Variants in LDB2 observed in about 807,000 individuals in gnomAD.
The protein encoded by LDB2 is LIM domain-binding protein 2.
A neutral mutation model predicts 44.3 loss-of-function variants in LDB2; 12 were observed. The observed-to-expected ratio is 0.27, with a 90% CI of 0.17 to 0.44. The LOEUF is 0.44. LDB2 is among the 20% of genes least tolerant of loss of function. LDB2 has a pLI of 1.00. For synonymous variants in LDB2, 164 were observed against 174.8 expected, an observed-to-expected ratio of 0.94 and a Z score of 0.49; for missense variants, 344 against 473.5, an observed-to-expected ratio of 0.73 and a Z score of 2.54.
chr4:16,765,240 G>C (rs1768942259), intron 1 of LDB2, among the ~76,000 whole-genome samples: 1 of 152,162 alleles, frequency 6.6e-6, no homozygotes, highest in Admixed American at 6.5e-5. Flanking sequence ...CACCAGAAAG[G>C]AGCCAGCATA....
intron 7 of LDB2, chr4:16,506,067 G>A (rs111734872): frequency 3.5e-6 from 5 of 1,433,888 alleles, no homozygotes; most frequent in Non-Finnish European, 4.7e-6. Context: ...CAGCTACACA[G>A]ACCACAGCTG....
chr4:16,563,234 G>T, intron 5 of LDB2, among the ~76,000 whole-genome samples: 1 of 150,096 alleles, frequency 6.7e-6, no homozygotes, highest in Non-Finnish European at 1.5e-5. Flanking sequence ...ATAATAAAAA[G>T]ACATTATTTA....
chr4:16,517,916 T>C (rs1400322637), intron 5 of LDB2, among the ~76,000 whole-genome samples: 1 of 150,690 alleles, frequency 6.6e-6, no homozygotes, highest in African/African-American at 2.5e-5. Flanking sequence ...GATGGATGGA[T>C]GGATGGATGG....
chr4:16,660,104 A>G (rs1741136769), intron 2 of LDB2, among the ~76,000 whole-genome samples: 1 of 152,192 alleles, frequency 6.6e-6, no homozygotes. Context: ...ATACCACAAC[A>G]CACAGAGAAA....
chr4:16,845,913 G>C (rs1472225939), intron 1 of LDB2, among the ~76,000 whole-genome samples: 1 of 152,028 alleles, frequency 6.6e-6, no homozygotes, highest in Admixed American at 6.6e-5. Flanking sequence ...TTCAAGACCA[G>C]CCTGGCCAAC....
chr4:16,819,274 T>G (rs1236664419), intron 1 of LDB2, among the ~76,000 whole-genome samples: 1 of 152,098 alleles, frequency 6.6e-6, no homozygotes, highest in Non-Finnish European at 1.5e-5. Context: ...CATAATTTTG[T>G]ATAAAACAGA....
chr4:16,513,233 TC>T (rs948969174), intron 5 of LDB2, among the ~76,000 whole-genome samples: 7 of 152,136 alleles, frequency 4.6e-5, no homozygotes, highest in Non-Finnish European at 8.8e-5. Context: ...TACCTGGAAT[TC>T]TTCTCTCCCC....
intron 1 of LDB2, among the ~76,000 whole-genome samples, chr4:16,826,803 A>G (rs998385590): frequency 2.6e-5 from 4 of 152,154 alleles, no homozygotes; most frequent in Non-Finnish European, 4.4e-5. Flanking sequence ...GGGAAAGGGC[A>G]GAACAAAAAA....
chr4:16,861,300 T>C (rs139663647), intron 1 of LDB2, among the ~76,000 whole-genome samples: 15 of 152,240 alleles, frequency 9.9e-5, no homozygotes, highest in Admixed American at 5.2e-4. Context: ...CTTGGCAACA[T>C]TGACCTTGGT....
At chr4:16,698,271 G>A (rs899785305) in intron 2 of LDB2, among the ~76,000 whole-genome samples, 2 of 152,132 alleles carry the variant, frequency 1.3e-5, no homozygotes, top group Non-Finnish European at 1.5e-5. Flanking sequence ...TACTGCATTA[G>A]TAAAGAATAT....
intron 2 of LDB2, among the ~76,000 whole-genome samples, chr4:16,749,558 C>CAAAAAAA: frequency 1.3e-5 from 1 of 75,566 alleles, no homozygotes; most frequent in Non-Finnish European, 2.7e-5. Context: ...GACTCCATCT[C>CAAAAAAA]AAAAAAAAAA....
In LDB2 at chr4:16,588,150, C is replaced by A. The variant is rs190460897; in HGVS notation, c.531+560G>T. On this transcript the variant is annotated intron_variant, in intron 4 of 7. Coordinates refer to ENST00000304523, the MANE Select transcript of LDB2 (RefSeq NM_001290.5). ...TCTCTAGATCGGCATAGAACCCACC[C>A]TTGCACCTAATTTGTGCTCAATAAA... Among the ~76,000 whole-genome samples the A allele has an allele frequency of 7.7e-4, 117 of 152,222 alleles. 1 individual carries two copies. Among genetic ancestry groups the A allele is most frequent in the Non-Finnish European group, 5.9e-5 (4 of 68,024 alleles).
intron 5 of LDB2, among the ~76,000 whole-genome samples, chr4:16,520,935 C>T (rs565342565): frequency 1.3e-5 from 2 of 152,320 alleles, no homozygotes; most frequent in Non-Finnish European, 2.9e-5. Flanking sequence ...GCCATATCTT[C>T]CTGCCTGGGC....
chr4:16,758,651 C>A (rs1767195268), intron 2 of LDB2, among the ~76,000 whole-genome samples: 1 of 152,166 alleles, frequency 6.6e-6, no homozygotes, highest in South Asian at 2.1e-4. Context: ...CAACACTAAT[C>A]CCAAACTGTA....
chr4:16,625,851 T>A (rs1730147459), intron 2 of LDB2, among the ~76,000 whole-genome samples: 1 of 152,178 alleles, frequency 6.6e-6, no homozygotes, highest in Admixed American at 6.5e-5. Context: ...CCTCACAGCC[T>A]CTGCATAAAA....
chr4:16,566,727 T>G (rs914208553), intron 5 of LDB2, among the ~76,000 whole-genome samples: 1 of 152,172 alleles, frequency 6.6e-6, no homozygotes, highest in Non-Finnish European at 1.5e-5. Context: ...AAAGAACTTA[T>G]GAGCTTGTAA....
chr4:16,686,182 C>T (rs765865236), intron 2 of LDB2, among the ~76,000 whole-genome samples: 2 of 152,216 alleles, frequency 1.3e-5, no homozygotes, highest in Non-Finnish European at 1.5e-5. Flanking sequence ...TTCTTGACCC[C>T]CTTAACTAGA....
intron 2 of LDB2, among the ~76,000 whole-genome samples, chr4:16,755,766 A>ACTT (rs1766513251): frequency 6.6e-6 from 1 of 152,090 alleles, no homozygotes; most frequent in Admixed American, 6.5e-5. Flanking sequence ...AAAGGATAGA[A>ACTT]CTTCCTCCAT....
chr4:16,635,083 T>C (rs1475694023), intron 2 of LDB2, among the ~76,000 whole-genome samples: 1 of 151,578 alleles, frequency 6.6e-6, no homozygotes, highest in Non-Finnish European at 1.5e-5. Context: ...TAAGTGGGAG[T>C]TGAACAATGA....
Sources: gnomAD v4.1 joint callset for allele counts (sites outside exome capture counted in the v4.1 genomes callset) on GRCh38, gnomAD v4.1.1 for gene constraint, MANE v1.5 for transcripts, NCBI Gene and HGNC (gene_info 2026-07-23, HGNC 2026-07-21) for gene names.